The following DZIP1L variants were observed in gnomAD, a reference collection of about 807,000 sequenced individuals.
DZIP1L encodes the protein DAZ interacting zinc finger protein 1 like.
Under a neutral mutation model 88.7 loss-of-function variants are expected in DZIP1L, and 90 were observed. The ratio of observed to expected loss-of-function variants is 1.02; its 90% confidence interval spans 0.86 to 1.21. The LOEUF (loss-of-function observed/expected upper bound fraction) is 1.21, where lower values mean the gene tolerates loss of function less well. Ranked by LOEUF, DZIP1L falls within the 50% of genes most tolerant of loss-of-function variation. The pLI is 0.00. For missense variants in DZIP1L, 932 were observed against 955.8 expected, an observed-to-expected ratio of 0.98 and a Z score of 0.33; for synonymous variants, 363 against 372.1, an observed-to-expected ratio of 0.98 and a Z score of 0.28.
Position 138,103,693 on chromosome 3 carries a change from G to T in DZIP1L, c.279C>A (p.Ile93=). 1 of 1,612,138 alleles carries T rather than the reference G, an allele frequency of 6.2e-7. No individual in the cohort carries two copies. The change falls in exon 2 of 16, where the codon ATC becomes ATA. Residue 93 remains isoleucine (I), a synonymous_variant. Coordinates refer to ENST00000327532, the MANE Select transcript of DZIP1L (RefSeq NM_173543.3). ...LLKVLRLAQL[I]IEYLLHCQDC... ...CCTGGCAGTGCAGCAGGTACTCAAT[G>T]ATGAGCTGCGCCAGGCGCAGCACCT... is the stretch of plus-strand genomic sequence containing the variant.
chr3:138,082,437 A>G (rs1943705464), intron 8 of DZIP1L, among the ~76,000 whole-genome samples: 1 of 152,250 alleles, frequency 6.6e-6, no homozygotes, highest in Non-Finnish European at 1.5e-5. Flanking sequence ...TTACCACATA[A>G]AACAGATAAG....
chr3:138,106,022 T>C (rs912244576), intron 1 of DZIP1L, among the ~76,000 whole-genome samples: 5 of 151,234 alleles, frequency 3.3e-5, no homozygotes, highest in African/African-American at 4.8e-5. Flanking sequence ...AAATAAAACA[T>C]AGAATTTCAG....
chr3:138,095,096 A>C (rs755230454), intron 3 of DZIP1L, 113 bp from the exon 4 acceptor site: 45 of 1,508,666 alleles, frequency 3.0e-5, no homozygotes, highest in Non-Finnish European at 3.8e-5. Context: ...TTCGCTACTT[A>C]GTACGTTGAC....
chr3:138,090,122 A>G (rs1944136043), intron 5 of DZIP1L, among the ~76,000 whole-genome samples: 1 of 152,168 alleles, frequency 6.6e-6, no homozygotes, highest in Non-Finnish European at 1.5e-5. Flanking sequence ...CCTGGGCAAC[A>G]GGGTGAGAAC....
rs1942965964 is a variant in DZIP1L, at chr3:138,067,570, T to G, written c.1963A>C (p.Thr655Pro). 1 of 1,610,460 alleles carries G rather than the reference T, an allele frequency of 6.2e-7. No homozygotes were observed. The highest frequency in any genetic ancestry group is 8.5e-7 in the Non-Finnish European group (1 of 1,178,456). Residue 655 changes from threonine (T) to proline (P), a missense_variant, in exon 14 of 16, where the codon ACC becomes CCC. Coordinates refer to ENST00000327532, the MANE Select transcript of DZIP1L (RefSeq NM_173543.3). The stretch of plus-strand genomic sequence containing the variant: ...GGGGGCTGGGCATTCTCCTCCGAGG[T>G]CTCTGTGTCAGACCAGTCCCAGTCA... ...KDDWDWSDTE[T>P]SEENAQPPGQ...
At chr3:138,088,308 G>T in intron 6 of DZIP1L, 71 bp downstream of exon 6, 1 of 1,497,760 alleles carries the variant, frequency 6.7e-7, no homozygotes, top group South Asian at 1.4e-5. Flanking sequence ...ATTCATAAAT[G>T]AGAGAATATA....
chr3:138,103,651 A>G lies in DZIP1L; in HGVS notation c.321T>C (p.Ser107=), dbSNP rs2107847279. Residue 107 remains serine, a synonymous_variant, in exon 2 of 16, where the codon AGT becomes AGC. Transcript: ENST00000327532. ...LLHCQDCLSA[S]VAQLEARLQT... Reference sequence around the variant, plus strand: ...GCAGCCGTGCCTCCAGCTGGGCAACACTGGCACTCAGGCAATCCTGGCAGT... The same window carrying G: ...GCAGCCGTGCCTCCAGCTGGGCAACGCTGGCACTCAGGCAATCCTGGCAGT... 2 of 1,608,718 alleles carry G rather than the reference A, an allele frequency of 1.2e-6. No homozygotes were observed. Among genetic ancestry groups the G allele is most frequent in the Non-Finnish European group, 1.7e-6 (2 of 1,179,536 alleles).
intron 7 of DZIP1L, 109 bp from the exon 8 acceptor site, chr3:138,084,362 G>A: frequency 1.4e-6 from 2 of 1,410,160 alleles, no homozygotes; most frequent in East Asian, 2.5e-5. Context: ...CACAGTAAAG[G>A]ATTTTGAGAC....
intron 12 of DZIP1L, 65 bp downstream of exon 12, chr3:138,071,578 C>T (rs1340780081): frequency 2.1e-5 from 33 of 1,538,548 alleles, no homozygotes; most frequent in Non-Finnish European, 2.9e-5. Context: ...CATGTGCAAA[C>T]AAGTTTTGGC....
chr3:138,092,204 C>T (rs1944267980), intron 5 of DZIP1L, 179 bp downstream of exon 5: 1 of 572,070 alleles, frequency 1.7e-6, no homozygotes, highest in Non-Finnish European at 2.8e-6. Flanking sequence ...GTTGACACAG[C>T]AGTGATTCAA....
intron 2 of DZIP1L, chr3:138,102,779 G>T: frequency 1.3e-6 from 1 of 759,986 alleles, no homozygotes. Context: ...AGGTCACCCC[G>T]GAAGCTGCTG....
In DZIP1L at chr3:138,077,365, A is replaced by T. The variant is rs542199761; in HGVS notation, c.1422+134T>A. The T allele has an allele frequency of 5.3e-4, 728 of 1,362,738 alleles. 3 individuals are homozygous for T. The highest frequency in any genetic ancestry group is 1.2e-3 in the South Asian group (91 of 73,356). 84.4% of individuals were successfully genotyped at this position (1,362,738 alleles called of 1,614,324 possible). On this transcript the variant is annotated intron_variant, in intron 11 of 15. Coordinates refer to ENST00000327532, the MANE Select transcript of DZIP1L (RefSeq NM_173543.3). The stretch of plus-strand genomic sequence containing the variant: ...GAAGTGAGAAAGGCGTGCAGATGCC[A>T]GAGGAGCCCGGGCTGCCACAAGTGA...
chr3:138,080,368 C>T (rs1943591025), intron 10 of DZIP1L, 199 bp downstream of exon 10: 3 of 502,212 alleles, frequency 6.0e-6, no homozygotes, highest in Admixed American at 3.3e-5. Context: ...CATCACTAAA[C>T]CAGCAGATTG....
At chr3:138,089,226 G>A in intron 5 of DZIP1L, 2 of 985,354 alleles carry the variant, frequency 2.0e-6, no homozygotes, top group Non-Finnish European at 2.4e-6. Flanking sequence ...CTCAACTATT[G>A]CTAAACAATA....
chr3:138,101,858 C>T (rs368397172), intron 2 of DZIP1L: 29 of 1,360,058 alleles, frequency 2.1e-5, no homozygotes, highest in South Asian at 4.7e-5. Flanking sequence ...CGCTGCAGGG[C>T]GCCCTCCAGC....
chr3:138,106,434 G>A (rs1219454471), intron 1 of DZIP1L, among the ~76,000 whole-genome samples: 3 of 151,034 alleles, frequency 2.0e-5, no homozygotes, highest in Non-Finnish European at 4.4e-5. Context: ...CACTGCACCC[G>A]GCCCATGATT....
At chr3:138,072,366 T>C (rs969160696) in intron 11 of DZIP1L, among the ~76,000 whole-genome samples, 1 of 152,146 alleles carries the variant, frequency 6.6e-6, no homozygotes, top group Non-Finnish European at 1.5e-5. Context: ...GAATCCAAGA[T>C]GAGGATTCAT....
chr3:138,087,739 A>C (rs1330185625), intron 6 of DZIP1L, among the ~76,000 whole-genome samples: 2 of 152,240 alleles, frequency 1.3e-5, no homozygotes, highest in African/African-American at 4.8e-5. Flanking sequence ...GACAGCAGAA[A>C]GATAAGCACA....
Position 138,115,566 on chromosome 3 carries a change from C to G in DZIP1L, c.-320G>C, listed in dbSNP as rs983033538. 2.0e-5 allele frequency: 3 copies of G among 152,226 alleles called. No individual in the cohort carries two copies. Among genetic ancestry groups the G allele is most frequent in the African/African-American group, 7.2e-5 (3 of 41,446 alleles). The allele number at this position is 152,226 out of a possible 1,614,324, so 9.4% of individuals were successfully genotyped here. On this transcript the variant is annotated 5_prime_UTR_variant, in exon 1 of 16. Transcript: ENST00000327532. Reference sequence around the variant, plus strand: ...CTCCAGTGCCGCCAACCTGCGGGACCGCGGACAGAGAGCTCCTCGGTGCGT... The same window carrying G: ...CTCCAGTGCCGCCAACCTGCGGGACGGCGGACAGAGAGCTCCTCGGTGCGT...
Sources: gnomAD v4.1 joint callset for allele counts (sites outside exome capture counted in the v4.1 genomes callset) on GRCh38, gnomAD v4.1.1 for gene constraint, MANE v1.5 for transcripts, NCBI Gene and HGNC (gene_info 2026-07-23, HGNC 2026-07-21) for gene names.